Variants in GID8 observed in about 807,000 individuals in gnomAD.
GID8 encodes GID complex subunit 8 homolog, also known as glucose-induced degradation protein 8 homolog.
GID8 carries 6 observed loss-of-function variants against 27.4 expected under a neutral mutation model. The observed-to-expected ratio is 0.22, with a 90% CI of 0.12 to 0.43. GID8 has a LOEUF of 0.43. Ranked by LOEUF, GID8 falls within the 20% of genes least tolerant of loss-of-function variation. The pLI is 1.00. For missense variants in GID8, 173 were observed against 287.6 expected, an observed-to-expected ratio of 0.60 and a Z score of 2.88; for synonymous variants, 112 against 109.0, an observed-to-expected ratio of 1.03 and a Z score of -0.17.
At chr20:62,944,697 C>T in intron 4 of GID8, 42 bp from the exon 5 acceptor site, 1 of 1,358,756 alleles carries the variant, frequency 7.4e-7, no homozygotes, top group Non-Finnish European at 1.1e-6. Flanking sequence ...TGCTGGTGCT[C>T]TGCGTGTATG....
chr20:62,940,215 C>A, intron 1 of GID8, among the ~76,000 whole-genome samples: 1 of 132,266 alleles, frequency 7.6e-6, no homozygotes, highest in South Asian at 2.3e-4. Flanking sequence ...GACGGAGTCT[C>A]GCTCTGTCGC....
chr20:62,946,149 C>A lies in GID8; in HGVS notation c.*1237C>A. The A allele has an allele frequency of 1.4e-6, 1 of 696,820 alleles. No homozygotes were observed. Among genetic ancestry groups the A allele is most frequent in the Non-Finnish European group, 2.1e-6 (1 of 473,714 alleles). 43.2% of individuals were successfully genotyped at this position (696,820 alleles called of 1,614,324 possible). On this transcript the variant is annotated 3_prime_UTR_variant, in exon 5 of 5. Coordinates refer to ENST00000266069, the MANE Select transcript of GID8 (RefSeq NM_017896.3). Reference sequence around the variant, plus strand: ...GCTAAGTGTTGGTTTAGTGGATGTTCGTGGAATTGCTGACCCATCCAAGGG... The same window carrying A: ...GCTAAGTGTTGGTTTAGTGGATGTTAGTGGAATTGCTGACCCATCCAAGGG...
At chr20:62,942,850 T>C (rs1013822097) in intron 2 of GID8, 137 bp from the exon 3 acceptor site, 11 of 622,268 alleles carry the variant, frequency 1.8e-5, no homozygotes, top group African/African-American at 9.2e-5. Flanking sequence ...TATAAAGATA[T>C]TAATACCGAG....
rs751156742 is a variant in GID8, at chr20:62,947,499, C to G, written c.*2587C>G. The G allele has an allele frequency of 6.6e-6, 1 of 152,578 alleles. No individual in the cohort carries two copies. Among genetic ancestry groups the G allele is most frequent in the Non-Finnish European group, 1.5e-5 (1 of 68,022 alleles). The allele number at this position is 152,578 out of a possible 1,614,324, so 9.5% of individuals were successfully genotyped here. A position where few individuals can be genotyped will look rare whatever the true frequency, so the allele number is the denominator to read the frequency against. ...AAGTAGTTTATTCTTATTATACTTT[C>G]TGCTGGAGAGTGCCTTGAAATAAAA... On this transcript the variant is annotated 3_prime_UTR_variant, in exon 5 of 5. Transcript: ENST00000266069.
At chr20:62,939,515 C>T (rs2147627239) in intron 1 of GID8, among the ~76,000 whole-genome samples, 1 of 150,722 alleles carries the variant, frequency 6.6e-6, no homozygotes, top group African/African-American at 2.4e-5. Flanking sequence ...AGACGCATGT[C>T]TAATAGTCAC....
In GID8 at chr20:62,945,563, T is replaced by G. The variant is rs1841023471; in HGVS notation, c.*651T>G. On this transcript the variant is annotated 3_prime_UTR_variant, in exon 5 of 5. Coordinates refer to ENST00000266069, the MANE Select transcript of GID8 (RefSeq NM_017896.3). The stretch of plus-strand genomic sequence containing the variant: ...GTGCTGTGTGTGGTAAGAGACTTGT[T>G]CCTAGTGGATCAATGAACCATCTCT... The G allele has an allele frequency of 8.8e-7, 1 of 1,135,612 alleles. No homozygotes were observed. The highest frequency in any genetic ancestry group is 1.1e-6 in the Non-Finnish European group (1 of 914,702). The allele number at this position is 1,135,612 out of a possible 1,614,324, so 70.3% of individuals were successfully genotyped here. A position where few individuals can be genotyped will look rare whatever the true frequency, so the allele number is the denominator to read the frequency against.
chr20:62,944,979 C>T lies in GID8; in HGVS notation c.*67C>T, dbSNP rs1346262062. ...GTGGGACTTGCCTCAGATCAGCCTG[C>T]GACTGCAAGATTCTTACTGCAGTAG... is the stretch of plus-strand genomic sequence containing the variant. On this transcript the variant is annotated 3_prime_UTR_variant, in exon 5 of 5. Transcript: ENST00000266069. 12 of 1,522,206 alleles carry T rather than the reference C, an allele frequency of 7.9e-6. No homozygotes were observed. In the Admixed American group the frequency reaches 1.1e-4, roughly 14 times the overall value. The allele number at this position is 1,522,206 out of a possible 1,614,324, so 94.3% of individuals were successfully genotyped here.
At chr20:62,938,582 T>G (rs1280977695) in intron 1 of GID8, 4 of 152,130 alleles carry the variant, frequency 2.6e-5, no homozygotes, top group Non-Finnish European at 5.9e-5. Flanking sequence ...TTTAATAAAA[T>G]CTGCTGCTTT....
At position 62,946,506 on chromosome 20, in the gene GID8, C is replaced by T. The variant is rs1180812976; in HGVS notation, c.*1594C>T. 6.5e-6 allele frequency: 1 copy of T among 154,852 alleles called. No homozygotes were observed. The highest frequency in any genetic ancestry group is 6.4e-5 in the Admixed American group (1 of 15,594). 9.6% of individuals were successfully genotyped at this position (154,852 alleles called of 1,614,324 possible). ...CTTTCCAGTGGGTAGGAGCTTTTGGCAGTGTTTACTTTACCTAGATGGCTT... is the reference window on the plus strand; with the variant it reads ...CTTTCCAGTGGGTAGGAGCTTTTGGTAGTGTTTACTTTACCTAGATGGCTT... On this transcript the variant is annotated 3_prime_UTR_variant, in exon 5 of 5. Transcript: ENST00000266069.
At position 62,946,702 on chromosome 20, in the gene GID8, G is replaced by A. The variant is rs1478775965; in HGVS notation, c.*1790G>A. Reference sequence around the variant, plus strand: ...CTGCCTTCCAACTACCACTCTCCCAGATGTGACCCTTGCGATTATTTCCTC... The same window carrying A: ...CTGCCTTCCAACTACCACTCTCCCAAATGTGACCCTTGCGATTATTTCCTC... On this transcript the variant is annotated 3_prime_UTR_variant, in exon 5 of 5. Coordinates refer to ENST00000266069, the MANE Select transcript of GID8 (RefSeq NM_017896.3). 6.6e-6 allele frequency: 1 copy of A among 152,198 alleles called. No homozygotes were observed. The highest frequency in any genetic ancestry group is 2.4e-5 in the African/African-American group (1 of 41,418). 9.4% of individuals were successfully genotyped at this position (152,198 alleles called of 1,614,324 possible).
chr20:62,940,714 A>G (rs560431637), intron 1 of GID8, among the ~76,000 whole-genome samples: 1 of 152,258 alleles, frequency 6.6e-6, no homozygotes, highest in East Asian at 1.9e-4. Flanking sequence ...TGTCATGTTC[A>G]TTTATTTTAA....
chr20:62,938,828 C>T (rs555369828), intron 1 of GID8: 4 of 152,218 alleles, frequency 2.6e-5, no homozygotes, highest in African/African-American at 9.6e-5. Flanking sequence ...AGAAAAGGTG[C>T]CTTTTCCTAG....
rs745737024 is a variant in GID8, at chr20:62,943,559, C to G, written c.380C>G (p.Thr127Ser). ...ETEAALEFAQ[T>S]QLAEQGEESR... ...GAGGCGGCGCTGGAGTTTGCACAGA[C>G]TCAGCTGGCGGAGCAGGGCGAGGAG... Residue 127 changes from threonine (T) to serine (S), a missense_variant, in exon 4 of 5, where the codon ACT becomes AGT. Physicochemically the swap from Thr to Ser is moderately conservative, Grantham distance 58. Coordinates refer to ENST00000266069, the MANE Select transcript of GID8 (RefSeq NM_017896.3). This position sits in a 1 kb window ranked among gnomAD's most constrained non-coding sequence, Gnocchi z 4.7. 97 of 1,613,482 alleles carry G rather than the reference C, an allele frequency of 6.0e-5. No individual in the cohort carries two copies. The highest frequency in any genetic ancestry group is 2.0e-4 in the Admixed American group (12 of 60,032).
At chr20:62,940,254 G>A (rs1366844986) in intron 1 of GID8, among the ~76,000 whole-genome samples, 1 of 145,978 alleles carries the variant, frequency 6.9e-6, no homozygotes, top group Non-Finnish European at 1.5e-5. Context: ...GCACCATCTC[G>A]GCTCACTAGA....
rs2065465465 is a variant in GID8 at position 62,946,132 on chromosome 20, T to C, written c.*1220T>C. 2.5e-6 allele frequency: 2 copies of C among 811,958 alleles called. No individual in the cohort carries two copies. Among genetic ancestry groups the C allele is most frequent in the Admixed American group, 2.6e-5 (1 of 37,970 alleles). The allele number at this position is 811,958 out of a possible 1,614,324, so 50.3% of individuals were successfully genotyped here. A position where few individuals can be genotyped will look rare whatever the true frequency, so the allele number is the denominator to read the frequency against. On this transcript the variant is annotated 3_prime_UTR_variant, in exon 5 of 5. Transcript: ENST00000266069. ...TGACCCCACTGAGCAGTGCTAAGTG[T>C]TGGTTTAGTGGATGTTCGTGGAATT...
At chr20:62,939,835 T>G (rs752037242) in intron 1 of GID8, among the ~76,000 whole-genome samples, 1 of 152,208 alleles carries the variant, frequency 6.6e-6, no homozygotes, top group Non-Finnish European at 1.5e-5. Flanking sequence ...TTTAATTTAT[T>G]GAAACACTTT....
rs939218743 is a variant in GID8, at chr20:62,946,008, G to C, written c.*1096G>C. 5.4e-6 allele frequency: 7 copies of C among 1,289,218 alleles called. No homozygotes were observed. The East Asian group carries it at 2.8e-4, about 51-fold the overall frequency. The allele number at this position is 1,289,218 out of a possible 1,614,324, so 79.9% of individuals were successfully genotyped here. ...CAGGAGGGAAGTGGTGCAGGGCTGC[G>C]TGCATTGCCTGCGAGTCGGGACAGT... On this transcript the variant is annotated 3_prime_UTR_variant, in exon 5 of 5. Coordinates refer to ENST00000266069, the MANE Select transcript of GID8 (RefSeq NM_017896.3).
intron 1 of GID8, among the ~76,000 whole-genome samples, chr20:62,940,623 A>G (rs1297931629): frequency 1.3e-5 from 2 of 152,198 alleles, no homozygotes; most frequent in African/African-American, 4.8e-5. Flanking sequence ...TGCTGGGATT[A>G]CAGGCGTGAG....
chr20:62,943,079 C>A lies in GID8; in HGVS notation c.211C>A (p.Arg71=). 1 of 1,613,726 alleles carries A rather than the reference C, an allele frequency of 6.2e-7. No individual in the cohort carries two copies. The highest frequency in any genetic ancestry group is 1.3e-5 in the African/African-American group (1 of 75,004). Residue 71 remains arginine, a synonymous_variant, in exon 3 of 5, where the codon CGG becomes AGG. Coordinates refer to ENST00000266069, the MANE Select transcript of GID8 (RefSeq NM_017896.3). The surrounding 1 kb of genome is among the most constrained non-coding windows in gnomAD (Gnocchi z 4.7). The part of the protein sequence containing the change: ...LETLDERIKI[R]EMILKGQIQE... ...AACACTTGATGAACGAATCAAGATC[C>A]GGGAGATGATACTGAAAGGTCAGAT... is the stretch of plus-strand genomic sequence containing the variant.
Sources: allele counts gnomAD v4.1 joint callset (sites outside exome capture counted in the v4.1 genomes callset), GRCh38; gene constraint gnomAD v4.1.1; non-coding constraint Gnocchi (gnomAD v3.1); transcripts MANE v1.5; gene names NCBI Gene and HGNC (gene_info 2026-07-23, HGNC 2026-07-21).